PAM: variants seen among roughly 807,000 people sequenced by gnomAD.
PAM encodes the protein peptidyl-glycine alpha-amidating monooxygenase.
A neutral mutation model predicts 122.1 loss-of-function variants in PAM; 72 were observed. That is an observed-to-expected ratio of 0.59 (90% CI 0.49 to 0.72). The LOEUF is 0.72. Ranked by LOEUF, PAM falls within the 30% of genes least tolerant of loss-of-function variation. PAM has a pLI of 0.00. For synonymous variants in PAM, 389 were observed against 404.4 expected, an observed-to-expected ratio of 0.96 and a Z score of 0.46; for missense variants, 1,106 against 1,183.7, an observed-to-expected ratio of 0.93 and a Z score of 0.96.
At chr5:102,799,779 T>C (rs967582476) in intron 1 of PAM, among the ~76,000 whole-genome samples, 20 of 152,218 alleles carry the variant, frequency 1.3e-4, no homozygotes, top group Admixed American at 1.3e-3. Context: ...CAGGTTGGCA[T>C]TGAACATGAA....
At position 102,925,001 on chromosome 5, in the gene PAM, A is replaced by C; in HGVS notation, c.401A>C (p.Tyr134Ser). The change falls in exon 6 of 26, where the codon TAT becomes TCT. Residue 134 changes from tyrosine (Y) to serine (S), a missense_variant. Transcript: ENST00000438793. ...GTCTDKANIL[Y>S]AWARNAPPTR... Reference sequence around the variant, plus strand: ...TGTACAGATAAAGCCAATATTCTGTATGCCTGGGCGAGAAATGCTCCCCCT... The same window carrying C: ...TGTACAGATAAAGCCAATATTCTGTCTGCCTGGGCGAGAAATGCTCCCCCT... The C allele has an allele frequency of 6.3e-7, 1 of 1,596,908 alleles. No homozygotes were observed.
chr5:102,874,692 T>A (rs1480023664), intron 3 of PAM, among the ~76,000 whole-genome samples: 1 of 152,148 alleles, frequency 6.6e-6, no homozygotes, highest in Non-Finnish European at 1.5e-5. Flanking sequence ...AAAAGACTCC[T>A]TATGATCACC....
Position 102,995,406 on chromosome 5 carries a change from A to G in PAM, c.1613+5005A>G, listed in dbSNP as rs185352005. ...TCTTCTACAGTACACATTGAATTTG[A>G]TAACTGGTGGGAGATTTACCAATTC... is the stretch of plus-strand genomic sequence containing the variant. On this transcript the variant is annotated intron_variant, in intron 16 of 25. Coordinates refer to ENST00000438793, the MANE Select transcript of PAM (RefSeq NM_001177306.2). Among the ~76,000 whole-genome samples, 8 of 152,172 alleles carry G rather than the reference A, an allele frequency of 5.3e-5. No individual in the cohort carries two copies. The East Asian group carries it at 1.4e-3, about 26-fold the overall frequency.
intron 13 of PAM, 27 bp from the exon 14 acceptor site, chr5:102,961,131 A>G: frequency 8.1e-7 from 1 of 1,239,460 alleles, no homozygotes; most frequent in East Asian, 2.3e-5. Context: ...CTGCAAATTT[A>G]TGCTCAGCTT....
At chr5:102,807,676 T>G (rs1293062970) in intron 1 of PAM, among the ~76,000 whole-genome samples, 6 of 152,178 alleles carry the variant, frequency 3.9e-5, no homozygotes. Context: ...TCCAAAGGCA[T>G]AGATGTGAGC....
intron 1 of PAM, among the ~76,000 whole-genome samples, chr5:102,788,344 C>T (rs996648287): frequency 1.1e-4 from 16 of 152,056 alleles, no homozygotes; most frequent in African/African-American, 3.9e-4. Context: ...TGAGTTATTA[C>T]GGTCTTTACT....
At chr5:102,770,700 C>A (rs992942649) in intron 1 of PAM, among the ~76,000 whole-genome samples, 1 of 151,978 alleles carries the variant, frequency 6.6e-6, no homozygotes, top group Non-Finnish European at 1.5e-5. Flanking sequence ...TTCTGTGCAT[C>A]CCTGGAATAA....
rs35825092 is a variant in PAM, at chr5:102,841,406, T to TACACACACACACAC, written c.-373-24391_-373-24378dup. Among the ~76,000 whole-genome samples, 500 of 138,526 alleles carry TACACACACACACAC rather than the reference T, an allele frequency of 3.6e-3. 10 individuals carry two copies. The East Asian group carries it at 0.043, about 12-fold the overall frequency. 90.9% of individuals were successfully genotyped at this position (138,526 alleles called of 152,430 possible). ...CTGTTCATTCTCAAACACCTACAAATACACACACACACACACACACACACA... is the reference window on the plus strand; with the variant it reads ...CTGTTCATTCTCAAACACCTACAAATACACACACACACACACACACACACACACACACACACACA... On this transcript the variant is annotated intron_variant, in intron 1 of 25. Coordinates refer to ENST00000438793, the MANE Select transcript of PAM (RefSeq NM_001177306.2).
At chr5:102,907,247 G>A (rs541728444) in intron 4 of PAM, among the ~76,000 whole-genome samples, 2 of 151,944 alleles carry the variant, frequency 1.3e-5, no homozygotes, top group Admixed American at 1.3e-4. Flanking sequence ...GATTAAAAAT[G>A]TTCCAGGAAT....
chr5:102,895,753 A>G (rs141246496), intron 3 of PAM, among the ~76,000 whole-genome samples: 73 of 151,816 alleles, frequency 4.8e-4, no homozygotes, highest in African/African-American at 1.7e-3. Context: ...GCACAGAAAT[A>G]TGGTGTTTGG....
At chr5:102,817,701 G>C (rs1035980945) in intron 1 of PAM, among the ~76,000 whole-genome samples, 1 of 134,890 alleles carries the variant, frequency 7.4e-6, no homozygotes, top group African/African-American at 2.7e-5. Flanking sequence ...AATGTCAATA[G>C]AGTGGCCACA....
intron 8 of PAM, among the ~76,000 whole-genome samples, chr5:102,947,471 C>T (rs1385661806): frequency 6.6e-6 from 1 of 152,052 alleles, no homozygotes; most frequent in Non-Finnish European, 1.5e-5. Context: ...GGGAACTAAG[C>T]TGTGAGAATG....
intron 3 of PAM, among the ~76,000 whole-genome samples, chr5:102,874,294 A>G (rs2151042673): frequency 6.6e-6 from 1 of 152,320 alleles, no homozygotes; most frequent in African/African-American, 2.4e-5. Context: ...GCAAGTGTCA[A>G]GTATATGAAT....
At chr5:102,825,663 C>A (rs1261182302) in intron 1 of PAM, among the ~76,000 whole-genome samples, 3 of 152,038 alleles carry the variant, frequency 2.0e-5, no homozygotes, top group African/African-American at 7.2e-5. Context: ...CAATCCTGTA[C>A]AACATAGTGA....
At chr5:102,938,890 C>T (rs1029711767) in intron 7 of PAM, among the ~76,000 whole-genome samples, 3 of 152,104 alleles carry the variant, frequency 2.0e-5, no homozygotes, top group Non-Finnish European at 4.4e-5. Flanking sequence ...CTGCCTTTCA[C>T]GCTGTTCCCC....
At chr5:102,838,293 T>C (rs1716314425) in intron 1 of PAM, 1 of 152,142 alleles carries the variant, frequency 6.6e-6, no homozygotes, top group South Asian at 2.1e-4. Context: ...TCATGTTCTT[T>C]GGACATTGAT....
Position 102,961,237 on chromosome 5 carries a change from T to G in PAM, c.1162+8T>G, listed in dbSNP as rs377357472. On this transcript the variant is annotated splice_region_variant and intron_variant, in intron 14 of 25. Transcript: ENST00000438793. ...AAGAAGTGTTAGACCAGGGTATGTA[T>G]GCTTATTTCTATAACTAGTCCTATA... 6.8e-7 allele frequency: 1 copy of G among 1,477,296 alleles called. No individual in the cohort carries two copies. Among genetic ancestry groups the G allele is most frequent in the Non-Finnish European group, 9.5e-7 (1 of 1,057,010 alleles). 91.5% of individuals were successfully genotyped at this position (1,477,296 alleles called of 1,614,324 possible).
chr5:102,980,359 A>G (rs577782680), intron 15 of PAM, among the ~76,000 whole-genome samples: 1 of 152,328 alleles, frequency 6.6e-6, no homozygotes, highest in East Asian at 1.9e-4. Flanking sequence ...TGTTTAAGGT[A>G]GAACTCAAAT....
chr5:102,973,512 C>T (rs529037038), intron 14 of PAM, among the ~76,000 whole-genome samples: 1 of 152,184 alleles, frequency 6.6e-6, no homozygotes, highest in South Asian at 2.1e-4. Context: ...ATCCTTTGCT[C>T]AAAAAATTAT....
Sources: allele counts gnomAD v4.1 joint callset (sites outside exome capture counted in the v4.1 genomes callset), GRCh38; gene constraint gnomAD v4.1.1; transcripts MANE v1.5; gene names NCBI Gene and HGNC (gene_info 2026-07-23, HGNC 2026-07-21).